USH2A: variants seen among roughly 807,000 people sequenced by gnomAD.
USH2A encodes the protein usherin, also known as Usher syndrome 2A (autosomal recessive, mild).
Under a neutral mutation model 538.9 loss-of-function variants are expected in USH2A, and 443 were observed. The ratio of observed to expected loss-of-function variants is 0.82; its 90% confidence interval spans 0.76 to 0.89. The LOEUF (loss-of-function observed/expected upper bound fraction) is 0.89, where lower values mean the gene tolerates loss of function less well. Among genes scored for constraint, USH2A ranks in the 40% least tolerant of loss-of-function variants. USH2A has a pLI of 0.00. For missense variants in USH2A, 6,633 were observed against 6,324.8 expected, an observed-to-expected ratio of 1.05 and a Z score of -1.65; for synonymous variants, 2,413 against 2,273.5, an observed-to-expected ratio of 1.06 and a Z score of -1.75.
At chr1:216,234,639 C>A (rs187724770) in intron 13 of USH2A, among the ~76,000 whole-genome samples, 1 of 152,058 alleles carries the variant, frequency 6.6e-6, no homozygotes, top group East Asian at 1.9e-4. Flanking sequence ...AACAGCTCTC[C>A]AATTTGGATA....
In USH2A at chr1:216,244,507, GA is replaced by G. The variant is rs537298783; in HGVS notation, c.2809+2077del. On this transcript the variant is annotated intron_variant, in intron 13 of 71. Coordinates refer to ENST00000307340, the MANE Select transcript of USH2A (RefSeq NM_206933.4). ...GAAAGAGCCATAGATTTGGGTGGGA[GA>G]AAAGGGCTTAGAGTTGGGAACAAAG... Among the ~76,000 whole-genome samples the G allele has an allele frequency of 2.4e-3, 364 of 152,232 alleles. 1 individual carries two copies. Among genetic ancestry groups the G allele is most frequent in the Non-Finnish European group, 4.6e-3 (310 of 67,998 alleles).
At chr1:215,999,109 TA>T (rs1668206476) in intron 33 of USH2A, 51 bp from the exon 34 acceptor site, 1 of 1,479,038 alleles carries the variant, frequency 6.8e-7, no homozygotes, top group Admixed American at 1.7e-5. Flanking sequence ...AAAACTAAAA[TA>T]TACAGGATTT....
At chr1:216,142,159 A>AT in intron 21 of USH2A, among the ~76,000 whole-genome samples, 1 of 152,246 alleles carries the variant, frequency 6.6e-6, no homozygotes, top group East Asian at 1.9e-4. Flanking sequence ...AGATATTATA[A>AT]TTTTCTTCCT....
At chr1:216,328,910 T>C (rs1236076853) in intron 4 of USH2A, among the ~76,000 whole-genome samples, 3 of 152,078 alleles carry the variant, frequency 2.0e-5, no homozygotes, top group Non-Finnish European at 4.4e-5. Context: ...AAATATTACA[T>C]ATAAAAATAT....
chr1:216,229,131 G>A (rs964740230), intron 14 of USH2A, among the ~76,000 whole-genome samples: 3 of 151,588 alleles, frequency 2.0e-5, no homozygotes, highest in Admixed American at 6.6e-5. Flanking sequence ...CCGAGATCAC[G>A]CCACTGCACT....
intron 49 of USH2A, among the ~76,000 whole-genome samples, chr1:215,799,430 T>C (rs1241559757): frequency 6.6e-6 from 1 of 152,168 alleles, no homozygotes; most frequent in African/African-American, 2.4e-5. Context: ...TACTTTTTTG[T>C]TCTGTGTAAT....
intron 32 of USH2A, among the ~76,000 whole-genome samples, chr1:216,019,508 GA>G (rs1311398483): frequency 2.0e-5 from 3 of 152,028 alleles, no homozygotes; most frequent in African/African-American, 7.2e-5. Context: ...CATGAACTTG[GA>G]AAAAAATAGT....
intron 21 of USH2A, among the ~76,000 whole-genome samples, chr1:216,137,476 G>A (rs2033509178): frequency 6.6e-6 from 1 of 151,976 alleles, no homozygotes; most frequent in Non-Finnish European, 1.5e-5. Flanking sequence ...AGAATATCAT[G>A]TAAAAGAGTT....
At chr1:216,180,995 AG>A (rs1298362931) in intron 20 of USH2A, among the ~76,000 whole-genome samples, 2 of 152,058 alleles carry the variant, frequency 1.3e-5, no homozygotes, top group East Asian at 3.9e-4. Context: ...AAAGAGGAAA[AG>A]TTTTCCCCCG....
chr1:216,086,735 G>C lies in USH2A; in HGVS notation c.4971C>G (p.Ile1657Met), dbSNP rs756177409. 1.9e-6 allele frequency: 3 copies of C among 1,612,538 alleles called. No homozygotes were observed. The Admixed American group carries it at 5.0e-5, about 27-fold the overall frequency. The change falls in exon 24 of 72, where the codon ATC becomes ATG. Residue 1657 changes from isoleucine (I) to methionine (M), a missense_variant. Physicochemically the swap from Ile to Met is conservative, Grantham distance 10. Transcript: ENST00000307340. ...TAAACTCACCAGGATCCTTCCTGAG[G>C]ATGGTATAACTTCGCGGGAGCCCTC... ...FLGGLPRSYT[I>M]LRKDPEIIQK... is the part of the protein sequence containing the mutation.
In USH2A at chr1:215,674,488, T is replaced by G. The variant is rs753823008; in HGVS notation, c.13423A>C (p.Arg4475=). ...CCATCCCTCCTAAGTTCATAACTTC[T>G]GATCTGGCCATTTGGGTTTCTTGGA... is the stretch of plus-strand genomic sequence containing the variant. ...KPPRNPNGQI[R]SYELRRDGTI... Residue 4475 remains arginine, a synonymous_variant, in exon 63 of 72, where the codon AGA becomes CGA. Transcript: ENST00000307340. The G allele has an allele frequency of 4.3e-6, 7 of 1,614,206 alleles. No homozygotes were observed. The highest frequency in any genetic ancestry group is 5.9e-6 in the Non-Finnish European group (7 of 1,180,038).
At chr1:216,321,744 C>A (rs1429002647) in intron 9 of USH2A, 139 bp downstream of exon 9, 1 of 745,746 alleles carries the variant, frequency 1.3e-6, no homozygotes, top group Non-Finnish European at 2.2e-6. Context: ...CTTAAAAAAT[C>A]TGCAATAATT....
Position 215,632,374 on chromosome 1 carries a change from C to T in USH2A, c.15297+2085G>A, listed in dbSNP as rs76295988. 1.3e-3 allele frequency among the ~76,000 whole-genome samples: 199 copies of T among 152,268 alleles called. 2 individuals carry two copies. In the East Asian group the frequency reaches 0.032, roughly 25 times the overall value. On this transcript the variant is annotated intron_variant, in intron 70 of 71. Transcript: ENST00000307340. The stretch of plus-strand genomic sequence containing the variant: ...GAAGCTTAACAAGACTCATTAAAAC[C>T]CTGAGCAATGGGGTTATATCCAGAG...
Position 215,779,983 on chromosome 1 carries a change from G to T in USH2A, c.10799C>A (p.Ala3600Asp). 1 of 1,614,086 alleles carries T rather than the reference G, an allele frequency of 6.2e-7. No homozygotes were observed. Among genetic ancestry groups the T allele is most frequent in the Non-Finnish European group, 8.5e-7 (1 of 1,180,022 alleles). The change falls in exon 55 of 72, where the codon GCC (alanine) becomes GAC (aspartate). Residue 3600 changes from alanine to aspartate, a missense_variant. Physicochemically the swap from Ala to Asp is moderately radical, Grantham distance 126. Transcript: ENST00000307340. ...PESILPPSIT[A>D]LSAVALHLSW... ...CAGATGCAGAGCCACTGCACTTAGG[G>T]CTGTGATGCTTGGTGGCAGGATGCT...
At chr1:215,711,973 A>T (rs962497704) in intron 61 of USH2A, among the ~76,000 whole-genome samples, 2 of 152,174 alleles carry the variant, frequency 1.3e-5, no homozygotes, top group Non-Finnish European at 2.9e-5. Flanking sequence ...TCCCCTAACA[A>T]CTTTAATTTC....
chr1:216,334,328 C>A (rs1010161750), intron 4 of USH2A, among the ~76,000 whole-genome samples: 1 of 151,774 alleles, frequency 6.6e-6, no homozygotes, highest in Non-Finnish European at 1.5e-5. Context: ...GGGCAACAAA[C>A]ATAGTAGAAT....
At chr1:216,174,652 ACCATAGT>A in intron 21 of USH2A, 3 of 985,616 alleles carry the variant, frequency 3.0e-6, no homozygotes, top group Non-Finnish European at 3.6e-6. Flanking sequence ...CACTTGCTTT[ACCATAGT>A]CCTGGCTTAG....
Position 215,728,047 on chromosome 1 carries a change from G to T in USH2A, c.12049C>A (p.His4017Asn), listed in dbSNP as rs372762414. 1 of 1,614,136 alleles carries T rather than the reference G, an allele frequency of 6.2e-7. No homozygotes were observed. The change falls in exon 61 of 72, where the codon CAT (histidine) becomes AAT (asparagine). Residue 4017 changes from histidine to asparagine, a missense_variant. His to Asn is a moderately conservative substitution (Grantham distance 68). Transcript: ENST00000307340. ...DDPTFNSPTV[H>N]AFTVKGTSHQ... ...GGTCTTACCTTCACTGTGAAAGCATGCACGGTAGGGCTGTTAAATGTAGGA... is the reference window on the plus strand; with the variant it reads ...GGTCTTACCTTCACTGTGAAAGCATTCACGGTAGGGCTGTTAAATGTAGGA...
chr1:216,283,190 C>T (rs1234251149), intron 11 of USH2A, among the ~76,000 whole-genome samples: 2 of 151,972 alleles, frequency 1.3e-5, no homozygotes, highest in African/African-American at 4.8e-5. Flanking sequence ...AGGTTCACAC[C>T]ATTCTCCCAC....
Sources: allele counts gnomAD v4.1 joint callset (sites outside exome capture counted in the v4.1 genomes callset), GRCh38; gene constraint gnomAD v4.1.1; transcripts MANE v1.5; gene names NCBI Gene and HGNC (gene_info 2026-07-23, HGNC 2026-07-21).